CUL9: variants seen among roughly 807,000 people sequenced by gnomAD.
The protein encoded by CUL9 is cullin 9.
Under a neutral mutation model 272.6 loss-of-function variants are expected in CUL9, and 79 were observed. The observed-to-expected ratio is 0.29, with a 90% CI of 0.24 to 0.35. The LOEUF is 0.35. Among genes scored for constraint, CUL9 ranks in the 10% least tolerant of loss-of-function variants. The pLI, the probability that CUL9 is intolerant of heterozygous loss-of-function variation, is 1.00. For missense variants in CUL9, 2,532 were observed against 3,255.6 expected, an observed-to-expected ratio of 0.78 and a Z score of 5.41; for synonymous variants, 1,186 against 1,286.5, an observed-to-expected ratio of 0.92 and a Z score of 1.67.
At chr6:43,204,298 G>T in intron 20 of CUL9, 62 bp from the exon 21 acceptor site, 2 of 1,581,050 alleles carry the variant, frequency 1.3e-6, no homozygotes, top group Non-Finnish European at 8.7e-7. Context: ...TCCCTCCTCT[G>T]CCCTGAGCTG....
rs771839457 is a variant in CUL9, at chr6:43,220,581, G to T, written c.6405G>T (p.Ser2135=). 6 of 1,613,908 alleles carry T rather than the reference G, an allele frequency of 3.7e-6. No individual in the cohort carries two copies. Among genetic ancestry groups the T allele is most frequent in the Admixed American group, 1.7e-5 (1 of 59,982 alleles). The change falls in exon 32 of 41, where the codon TCG becomes TCT. Residue 2135 remains serine (S), a synonymous_variant. Coordinates refer to ENST00000252050, the MANE Select transcript of CUL9 (RefSeq NM_015089.4). This position sits in a 1 kb window ranked among gnomAD's most constrained non-coding sequence, Gnocchi z 4.9. ...CCTTCATTCGTGCCATCGTCTCCTC[G>T]CCAGAGGTCATCTCCAAGGTATCCC... is the stretch of plus-strand genomic sequence containing the variant. ...TGAFIRAIVS[S]PEVISKYEKA...
chr6:43,190,356 T>G (rs1773347663), intron 8 of CUL9, among the ~76,000 whole-genome samples: 1 of 152,178 alleles, frequency 6.6e-6, no homozygotes, highest in African/African-American at 2.4e-5. Flanking sequence ...TAATTGGATC[T>G]TTGCCTTTTT....
Position 43,200,802 on chromosome 6 carries a change from C to A in CUL9, c.3615C>A (p.Ile1205=), listed in dbSNP as rs2841640. Residue 1205 remains isoleucine (I), a synonymous_variant, in exon 16 of 41, where the codon ATC becomes ATA. Transcript: ENST00000252050. The surrounding 1 kb of genome is among the most constrained non-coding windows in gnomAD (Gnocchi z 4.0). ...ACGGCAGCACCGGCTCCCACTACAT[C>A]ACCCTGCACATGCACCGTGGTGTTC... ...ESNGSTGSHY[I]TLHMHRGVLV... 1.4e-3 allele frequency: 2,317 copies of A among 1,614,238 alleles called. 12 individuals carry two copies. The African/African-American group carries it at 0.024, about 17-fold the overall frequency.
Position 43,221,844 on chromosome 6 carries a change from G to A in CUL9, c.6846+66G>A. On this transcript the variant is annotated intron_variant, in intron 35 of 40. Coordinates refer to ENST00000252050, the MANE Select transcript of CUL9 (RefSeq NM_015089.4). This position sits in a 1 kb window ranked among gnomAD's most constrained non-coding sequence, Gnocchi z 4.2. ...CGTCGGGGAGGGGTGCTGCTACCAG[G>A]TCCTGGGCAGACAGGGCTCCTTGTG... is the stretch of plus-strand genomic sequence containing the variant. 4 of 1,385,226 alleles carry A rather than the reference G, an allele frequency of 2.9e-6. No homozygotes were observed. 85.8% of individuals were successfully genotyped at this position (1,385,226 alleles called of 1,614,324 possible).
intron 24 of CUL9, 146 bp downstream of exon 24, chr6:43,205,569 G>A (rs769165328): frequency 3.6e-5 from 33 of 906,166 alleles, no homozygotes; most frequent in East Asian, 1.0e-4. Context: ...GGTGGCTCAC[G>A]CATGTAATCC....
In CUL9 at chr6:43,224,495, A is replaced by AG. The variant is rs1393213660; in HGVS notation, c.*55dup. 1.3e-6 allele frequency: 2 copies of AG among 1,547,102 alleles called. No homozygotes were observed. The highest frequency in any genetic ancestry group is 8.8e-7 in the Non-Finnish European group (1 of 1,137,892). ...GAGCAGCCCCAGAGTCACGGGGCTG[A>AG]GGGGGCGGGAGCTGCCCCTGTCATA... is the stretch of plus-strand genomic sequence containing the variant. On this transcript the variant is annotated 3_prime_UTR_variant, in exon 41 of 41. Transcript: ENST00000252050. The surrounding 1 kb of genome is among the most constrained non-coding windows in gnomAD (Gnocchi z 4.2).
At position 43,216,324 on chromosome 6, in the gene CUL9, G is replaced by T. The variant is rs199715164; in HGVS notation, c.6103G>T (p.Ala2035Ser). Reference protein sequence around the residue: ...QHLLAHSHWGAEQLLQSYSED... With the variant: ...QHLLAHSHWGSEQLLQSYSED... ...CCTTTTGGCTCATTCCCACTGGGGC[G>T]CTGAACAGCTGCTGCAGAGCTACAG... Residue 2035 changes from alanine to serine, a missense_variant, in exon 31 of 41, where the codon GCT becomes TCT. Physicochemically the swap from Ala to Ser is moderately conservative, Grantham distance 99 (BLOSUM62 1). Transcript: ENST00000252050. 1 of 1,614,020 alleles carries T rather than the reference G, an allele frequency of 6.2e-7. No homozygotes were observed. The highest frequency in any genetic ancestry group is 1.3e-5 in the African/African-American group (1 of 74,920).
rs375583481 is a variant in CUL9, at chr6:43,199,369, G to A, written c.3154G>A (p.Glu1052Lys). The A allele has an allele frequency of 2.0e-5, 33 of 1,611,038 alleles. No homozygotes were observed. Among genetic ancestry groups the A allele is most frequent in the African/African-American group, 4.0e-5 (3 of 74,862 alleles). Reference protein sequence around the residue: ...NCLSGPSSDSEIVQELTCFLH... With the variant: ...NCLSGPSSDSKIVQELTCFLH... Reference sequence around the variant, plus strand: ...CCTGAGTGGCCCTAGCAGTGACTCCGAGGTACCAGAACCCTGGCAAGGAGA... The same window carrying A: ...CCTGAGTGGCCCTAGCAGTGACTCCAAGGTACCAGAACCCTGGCAAGGAGA... The change falls in exon 13 of 41, where the codon GAG becomes AAG. Residue 1052 changes from glutamate (E) to lysine (K), a missense_variant and splice_region_variant. By Grantham distance (56) the Glu-to-Lys change is moderately conservative. This residue lies in a region of CUL9 where 2,218 missense variants were observed against 2,788.6 expected (regional missense o/e 0.80). Transcript: ENST00000252050. The surrounding 1 kb of genome is among the most constrained non-coding windows in gnomAD (Gnocchi z 4.4).
rs1427372475 is a variant in CUL9, at chr6:43,220,248, C to T, written c.6283-211C>T. Among the ~76,000 whole-genome samples, 1 of 152,182 alleles carries T rather than the reference C, an allele frequency of 6.6e-6. No homozygotes were observed. The highest frequency in any genetic ancestry group is 1.5e-5 in the Non-Finnish European group (1 of 68,040). On this transcript the variant is annotated intron_variant, in intron 31 of 40. Transcript: ENST00000252050. This position sits in a 1 kb window ranked among gnomAD's most constrained non-coding sequence, Gnocchi z 4.9. ...ATGATTAGGCAAATACACAGCCCAC[C>T]CCATCCTCAAAGACAACTGTAATTT...
At chr6:43,183,060 A>G (rs1367404760) in intron 1 of CUL9, among the ~76,000 whole-genome samples, 1 of 152,222 alleles carries the variant, frequency 6.6e-6, no homozygotes, top group African/African-American at 2.4e-5. Flanking sequence ...TATTACTACC[A>G]TCTTGCAGAA....
In CUL9 at chr6:43,186,251, C is replaced by T. The variant is rs1772898877; in HGVS notation, c.1047C>T (p.Leu349=). Residue 349 remains leucine (L), a synonymous_variant, in exon 4 of 41, where the codon CTC becomes CTT. Coordinates refer to ENST00000252050, the MANE Select transcript of CUL9 (RefSeq NM_015089.4). The part of the protein sequence containing the change: ...QPYISGPSLL[L]PTIVTTPRRQ... ...ACATTTCAGGCCCCAGCCTTTTACT[C>T]CCCACCATTGTCACCACCCCCAGAA... 1 of 1,614,204 alleles carries T rather than the reference C, an allele frequency of 6.2e-7. No individual in the cohort carries two copies. The highest frequency in any genetic ancestry group is 8.5e-7 in the Non-Finnish European group (1 of 1,180,034).
Position 43,186,236 on chromosome 6 carries a change from C to T in CUL9, c.1032C>T (p.Gly344=), listed in dbSNP as rs1418542152. 6.2e-7 allele frequency: 1 copy of T among 1,614,106 alleles called. No individual in the cohort carries two copies. The highest frequency in any genetic ancestry group is 2.2e-5 in the East Asian group (1 of 44,902). ...CCATCTTTCAGCCCTACATTTCAGGCCCCAGCCTTTTACTCCCCACCATTG... is the reference window on the plus strand; with the variant it reads ...CCATCTTTCAGCCCTACATTTCAGGTCCCAGCCTTTTACTCCCCACCATTG... ...TRSIFQPYIS[G]PSLLLPTIVT... is the part of the protein sequence containing the mutation. Residue 344 remains glycine, a synonymous_variant, in exon 4 of 41, where the codon GGC becomes GGT. Coordinates refer to ENST00000252050, the MANE Select transcript of CUL9 (RefSeq NM_015089.4).
At chr6:43,185,203 T>C (rs1772795547) in intron 2 of CUL9, among the ~76,000 whole-genome samples, 3 of 152,016 alleles carry the variant, frequency 2.0e-5, no homozygotes, top group Non-Finnish European at 4.4e-5. Flanking sequence ...TTTGGTGGGT[T>C]ACAACCAACA....
chr6:43,185,828 CAA>C, intron 3 of CUL9, 125 bp from the exon 4 acceptor site: 1 of 1,330,772 alleles, frequency 7.5e-7, no homozygotes, highest in Non-Finnish European at 1.0e-6. Context: ...TTACACAAAT[CAA>C]AGTTTCAGAA....
Position 43,223,964 on chromosome 6 carries a change from G to A in CUL9, c.7285-131G>A, listed in dbSNP as rs1333292228. ...TGAACTCACAAAGGCAGTGTTTCAT[G>A]AAGTGCTGTGCTGGGAGGGGAGCAG... On this transcript the variant is annotated intron_variant, in intron 39 of 40. Transcript: ENST00000252050. The surrounding 1 kb of genome is among the most constrained non-coding windows in gnomAD (Gnocchi z 4.1). 2 of 845,340 alleles carry A rather than the reference G, an allele frequency of 2.4e-6. No individual in the cohort carries two copies. Among genetic ancestry groups the A allele is most frequent in the African/African-American group, 3.3e-5 (2 of 60,262 alleles). 52.4% of individuals were successfully genotyped at this position (845,340 alleles called of 1,614,324 possible). A position where few individuals can be genotyped will look rare whatever the true frequency, so the allele number is the denominator to read the frequency against.
At chr6:43,198,519 G>C (rs1774214195) in intron 11 of CUL9, 90 bp from the exon 12 acceptor site, 1 of 1,543,642 alleles carries the variant, frequency 6.5e-7, no homozygotes, top group African/African-American at 1.4e-5. Flanking sequence ...GAAAATTTTG[G>C]GGTGATTTTC....
At chr6:43,182,756 C>T (rs987019168) in intron 1 of CUL9, among the ~76,000 whole-genome samples, 7 of 152,214 alleles carry the variant, frequency 4.6e-5, no homozygotes, top group African/African-American at 1.7e-4. Context: ...TCCCTGTACC[C>T]CAACATGACC....
Position 43,186,062 on chromosome 6 carries a change from C to G in CUL9, c.858C>G (p.Ser286=). ...SPELGAGDQS[S]PCATREKSRG... is the part of the protein sequence containing the mutation. ...AGCTGGGAGCTGGAGACCAAAGCTC[C>G]CCATGTGCCACAAGAGAGAAAAGCC... The change falls in exon 4 of 41, where the codon TCC becomes TCG. Residue 286 remains serine (S), a synonymous_variant. Transcript: ENST00000252050. 1 of 1,614,214 alleles carries G rather than the reference C, an allele frequency of 6.2e-7. No homozygotes were observed. Among genetic ancestry groups the G allele is most frequent in the Non-Finnish European group, 8.5e-7 (1 of 1,180,038 alleles).
At chr6:43,197,206 C>T (rs866256268) in intron 11 of CUL9, among the ~76,000 whole-genome samples, 2 of 151,988 alleles carry the variant, frequency 1.3e-5, no homozygotes, top group African/African-American at 2.4e-5. Context: ...GCCACCACAG[C>T]GGGCTAATTT....
Sources: gnomAD v4.1 joint callset for allele counts (sites outside exome capture counted in the v4.1 genomes callset) on GRCh38, gnomAD v4.1.1 for gene constraint, gnomAD v4.1.1 regional missense constraint, Gnocchi (gnomAD v3.1) non-coding constraint, MANE v1.5 for transcripts, NCBI Gene and HGNC (gene_info 2026-07-23, HGNC 2026-07-21) for gene names.